The following EML5 variants were observed in gnomAD, a reference collection of about 807,000 sequenced individuals.
The protein encoded by EML5 is EMAP like 5.
In EML5, 120 loss-of-function variants were observed where a neutral mutation model predicts 250.0. The ratio of observed to expected loss-of-function variants is 0.48; its 90% CI spans 0.41 to 0.56. The LOEUF is 0.56. EML5 is among the 20% of genes least tolerant of loss of function. The pLI, the probability that EML5 is intolerant of heterozygous loss-of-function variation, is 0.00. For synonymous variants in EML5, 771 were observed against 806.5 expected (o/e 0.96, Z 0.75); for missense variants, 2,006 against 2,437.6 (o/e 0.82, Z 3.73).
At position 88,616,706 on chromosome 14, in the gene EML5, TAAAC is replaced by T. The variant is rs2087680913; in HGVS notation, c.5796+16_5796+19del. The T allele has an allele frequency of 1.2e-6, 2 of 1,604,340 alleles. No individual in the cohort carries two copies. The highest frequency in any genetic ancestry group is 1.3e-5 in the African/African-American group (1 of 74,778). On this transcript the variant is annotated intron_variant, in intron 42 of 43. Coordinates refer to ENST00000554922, the MANE Select transcript of EML5 (RefSeq NM_183387.3). ...AAAATTAGGAGTAAACTGATAATAG[TAAAC>T]AAAACACAAACTTACAAATTTTTCT...
chr14:88,773,397 G>A (rs2094414777), intron 1 of EML5, among the ~76,000 whole-genome samples: 1 of 152,218 alleles, frequency 6.6e-6, no homozygotes, highest in Admixed American at 6.5e-5. Context: ...TCCAGCGTGG[G>A]AGGGCCTTAG....
At chr14:88,745,735 T>C (rs1168385888) in intron 3 of EML5, among the ~76,000 whole-genome samples, 1 of 152,154 alleles carries the variant, frequency 6.6e-6, no homozygotes. Flanking sequence ...TGCATCCCTA[T>C]GTATATCAAT....
chr14:88,651,712 AATATT>A (rs1268734975), intron 27 of EML5, among the ~76,000 whole-genome samples: 2 of 151,728 alleles, frequency 1.3e-5, no homozygotes, highest in Non-Finnish European at 2.9e-5. Flanking sequence ...ATATTTAAAT[AATATT>A]ATATTTTCAT....
rs1369184695 is a variant in EML5 at position 88,620,650 on chromosome 14, A to G, written c.5375+104T>C. Reference sequence around the variant, plus strand: ...TACAATTTATAATACGGGAAATGCTACAGGCCCTGGGGACCTCTTTTTGAA... The same window carrying G: ...TACAATTTATAATACGGGAAATGCTGCAGGCCCTGGGGACCTCTTTTTGAA... On this transcript the variant is annotated intron_variant, in intron 39 of 43. Coordinates refer to ENST00000554922, the MANE Select transcript of EML5 (RefSeq NM_183387.3). This position sits in a 1 kb window ranked among gnomAD's most constrained non-coding sequence, Gnocchi z 4.3. The G allele has an allele frequency of 5.6e-6, 5 of 890,274 alleles. No individual in the cohort carries two copies. Among genetic ancestry groups the G allele is most frequent in the African/African-American group, 5.2e-5 (3 of 57,672 alleles). The allele number at this position is 890,274 out of a possible 1,614,324, so 55.1% of individuals were successfully genotyped here. A position where few individuals can be genotyped will look rare whatever the true frequency, so the allele number is the denominator to read the frequency against.
Position 88,746,178 on chromosome 14 carries a change from T to C in EML5, c.456+7A>G, listed in dbSNP as rs1032471414. 1.9e-6 allele frequency: 3 copies of C among 1,605,014 alleles called. No homozygotes were observed. Among genetic ancestry groups the C allele is most frequent in the Non-Finnish European group, 2.6e-6 (3 of 1,173,194 alleles). On this transcript the variant is annotated splice_region_variant and intron_variant, in intron 3 of 43. Transcript: ENST00000554922. Reference sequence around the variant, plus strand: ...ACTCATTAGAAATCTCAAAAGAGAATACTTACTCTATCTGTATGACCAGGA... The same window carrying C: ...ACTCATTAGAAATCTCAAAAGAGAACACTTACTCTATCTGTATGACCAGGA...
In EML5 at chr14:88,621,098, A is replaced by G. The variant is rs761877696; in HGVS notation, c.5202+15T>C. On this transcript the variant is annotated intron_variant, in intron 38 of 43. Transcript: ENST00000554922. ...AGAAGTTGTAACCTCTTTTAAAAAA[A>G]TTATCTGTACTTACTTTATCAGCAA... 5.0e-6 allele frequency: 8 copies of G among 1,602,028 alleles called. No individual in the cohort carries two copies. The East Asian group carries it at 1.8e-4, about 36-fold the overall frequency.
Position 88,778,551 on chromosome 14 carries a change from C to T in EML5, c.197+13756G>A, listed in dbSNP as rs1479865735. Among the ~76,000 whole-genome samples the T allele has an allele frequency of 4.6e-5, 7 of 152,270 alleles. No homozygotes were observed. In the Middle Eastern group the frequency reaches 0.01, roughly 222 times the overall value. On this transcript the variant is annotated intron_variant, in intron 1 of 43. Coordinates refer to ENST00000554922, the MANE Select transcript of EML5 (RefSeq NM_183387.3). The stretch of plus-strand genomic sequence containing the variant: ...ATCCTAGAACTTTGGGAGGCCGAGG[C>T]GGGTGGATCACGAGGTCAGGAGATC...
chr14:88,672,260 A>G (rs1190028782), intron 21 of EML5, among the ~76,000 whole-genome samples: 1 of 152,100 alleles, frequency 6.6e-6, no homozygotes. Flanking sequence ...AAACCACATA[A>G]CTACACAGAA....
chr14:88,715,118 T>A lies in EML5; in HGVS notation c.1265A>T (p.Tyr422Phe), dbSNP rs778532595. 2 of 1,613,124 alleles carry A rather than the reference T, an allele frequency of 1.2e-6. No homozygotes were observed. The highest frequency in any genetic ancestry group is 1.7e-6 in the Non-Finnish European group (2 of 1,179,488). ...GCTGTCATTGCATCCAACAGCAAGG[T>A]AAGTTCCATCTGGTGAATATTTTAA... ...HELKYSPDGT[Y>F]LAVGCNDSSV... Residue 422 changes from tyrosine to phenylalanine, a missense_variant, in exon 9 of 44, where the codon TAC becomes TTC. Tyr to Phe is a conservative substitution (Grantham distance 22). Around this residue, in one of 7 missense-constraint regions of EML5, gnomAD observed 1,375 missense variants for 1,590.3 expected, o/e 0.86. Coordinates refer to ENST00000554922, the MANE Select transcript of EML5 (RefSeq NM_183387.3).
In EML5 at chr14:88,652,433, C is replaced by A. The variant is rs146255297; in HGVS notation, c.4005-2507G>T. On this transcript the variant is annotated intron_variant, in intron 27 of 43. Coordinates refer to ENST00000554922, the MANE Select transcript of EML5 (RefSeq NM_183387.3). Reference sequence around the variant, plus strand: ...ACGTGTTTTTCACCTTAACTTCATCCCTTTCCCCGAATATAAAATCCATAG... The same window carrying A: ...ACGTGTTTTTCACCTTAACTTCATCACTTTCCCCGAATATAAAATCCATAG... Among the ~76,000 whole-genome samples the A allele has an allele frequency of 2.9e-4, 44 of 152,238 alleles. No homozygotes were observed. The East Asian group carries it at 7.5e-3, about 26-fold the overall frequency.
intron 4 of EML5, among the ~76,000 whole-genome samples, chr14:88,743,761 G>C (rs2093961693): frequency 6.6e-6 from 1 of 152,046 alleles, no homozygotes; most frequent in African/African-American, 2.4e-5. Flanking sequence ...GATGGACACA[G>C]TAAATCCTGC....
intron 16 of EML5, 67 bp downstream of exon 16, chr14:88,695,294 T>TA: frequency 7.6e-7 from 1 of 1,320,966 alleles, no homozygotes; most frequent in Non-Finnish European, 1.0e-6. Context: ...TTCTTTTAAT[T>TA]AAAAATTTTT....
At chr14:88,782,434 A>C (rs2094506780) in intron 1 of EML5, among the ~76,000 whole-genome samples, 3 of 152,252 alleles carry the variant, frequency 2.0e-5, no homozygotes. Context: ...AGAAATCTAC[A>C]TAAGAACGAG....
intron 21 of EML5, among the ~76,000 whole-genome samples, chr14:88,667,041 G>A (rs1437767108): frequency 6.6e-6 from 1 of 151,986 alleles, no homozygotes; most frequent in African/African-American, 2.4e-5. Flanking sequence ...CTGGATGTGG[G>A]GTGAAAGGCG....
chr14:88,675,964 T>A (rs892368102), intron 21 of EML5, among the ~76,000 whole-genome samples: 1 of 152,158 alleles, frequency 6.6e-6, no homozygotes, highest in Non-Finnish European at 1.5e-5. Flanking sequence ...AAGTTCCTCA[T>A]CTCCATCTGA....
intron 2 of EML5, among the ~76,000 whole-genome samples, chr14:88,748,922 A>G (rs903632503): frequency 3.3e-5 from 5 of 151,984 alleles, no homozygotes; most frequent in African/African-American, 1.2e-4. Flanking sequence ...CAGAGCTTCA[A>G]TGACCTGCAG....
chr14:88,689,578 A>G (rs1438584389), intron 17 of EML5, among the ~76,000 whole-genome samples: 1 of 151,958 alleles, frequency 6.6e-6, no homozygotes, highest in Non-Finnish European at 1.5e-5. Flanking sequence ...TTCATTCAAG[A>G]AATATATTAG....
chr14:88,785,522 C>G (rs547277926), intron 1 of EML5, among the ~76,000 whole-genome samples: 176 of 152,238 alleles, frequency 1.2e-3, no homozygotes, highest in Non-Finnish European at 2.1e-3. Flanking sequence ...TTGATCTTTC[C>G]TTCTGTCCAA....
Position 88,618,309 on chromosome 14 carries a change from C to A in EML5, c.5561G>T (p.Arg1854Leu), listed in dbSNP as rs758575543. 2 of 1,613,572 alleles carry A rather than the reference C, an allele frequency of 1.2e-6. No individual in the cohort carries two copies. The highest frequency in any genetic ancestry group is 1.7e-6 in the Non-Finnish European group (2 of 1,179,808). The stretch of plus-strand genomic sequence containing the variant: ...TCCTGAAGGCACTTCATAGACATGC[C>A]GTTTATAGCAGCCACTAGAGACCTT... The part of the protein sequence containing the change: ...YLQVSSGCYK[R>L]HVYEVPSGKH... Residue 1854 changes from arginine to leucine, a missense_variant, in exon 41 of 44, where the codon CGG becomes CTG. Physicochemically the swap from Arg to Leu is moderately radical, Grantham distance 102 (BLOSUM62 -2). Coordinates refer to ENST00000554922, the MANE Select transcript of EML5 (RefSeq NM_183387.3).
Sources: allele counts gnomAD v4.1 joint callset (sites outside exome capture counted in the v4.1 genomes callset), GRCh38; gene constraint gnomAD v4.1.1; regional missense constraint gnomAD v4.1.1; non-coding constraint Gnocchi (gnomAD v3.1); transcripts MANE v1.5; gene names NCBI Gene and HGNC (gene_info 2026-07-23, HGNC 2026-07-21).